Variants in DAPK1 observed in about 807,000 individuals in gnomAD.
DAPK1 encodes the protein death associated protein kinase 1.
Under a neutral mutation model 144.9 loss-of-function variants are expected in DAPK1, and 56 were observed. The observed-to-expected ratio is 0.39, with a 90% CI of 0.31 to 0.48. The LOEUF (loss-of-function observed/expected upper bound fraction) is 0.48. Ranked by LOEUF, DAPK1 falls within the 20% of genes least tolerant of loss-of-function variation. The probability of loss-of-function intolerance (pLI) is 0.95; values close to 1 mark genes in which losing one functional copy is unlikely to be tolerated. For synonymous variants in DAPK1, 690 were observed against 749.0 expected (o/e 0.92, Z 1.29); for missense variants, 1,454 against 1,875.4 (o/e 0.78, Z 4.15).
At chr9:87,564,910 G>A (rs1017350520) in intron 2 of DAPK1, among the ~76,000 whole-genome samples, 2 of 152,150 alleles carry the variant, frequency 1.3e-5, no homozygotes, top group African/African-American at 4.8e-5. Context: ...TGTGGTAGAA[G>A]CAATAAAGAC....
At chr9:87,701,871 G>T (rs1455050222) in intron 24 of DAPK1, 1 of 470,362 alleles carries the variant, frequency 2.1e-6, no homozygotes, top group Non-Finnish European at 4.4e-6. Context: ...TCCTCGTTGG[G>T]GTCCCACTGT....
At chr9:87,632,561 A>G in intron 3 of DAPK1, 2 of 973,590 alleles carry the variant, frequency 2.1e-6, no homozygotes, top group South Asian at 9.5e-5. Context: ...GGGATGAAGG[A>G]GGATGAGTAT....
At chr9:87,634,902 G>T (rs903970271) in intron 3 of DAPK1, among the ~76,000 whole-genome samples, 4 of 152,144 alleles carry the variant, frequency 2.6e-5, no homozygotes, top group African/African-American at 9.7e-5. Context: ...GCCATGGGAG[G>T]ACTTCTGGTT....
At chr9:87,549,442 G>T (rs1826390997) in intron 2 of DAPK1, among the ~76,000 whole-genome samples, 1 of 152,100 alleles carries the variant, frequency 6.6e-6, no homozygotes, top group South Asian at 2.1e-4. Context: ...TTGTATGGGG[G>T]GGTTATATAG....
intron 2 of DAPK1, among the ~76,000 whole-genome samples, chr9:87,602,696 C>T (rs1373270961): frequency 6.6e-6 from 1 of 151,950 alleles, no homozygotes; most frequent in African/African-American, 2.4e-5. Context: ...TGCAGTGGCA[C>T]AATCTCGGCT....
At chr9:87,681,831 T>C in intron 20 of DAPK1, 1 of 594,536 alleles carries the variant, frequency 1.7e-6, no homozygotes, top group Admixed American at 2.9e-5. Context: ...GACTTGGCAG[T>C]AGCAAAACAA....
intron 2 of DAPK1, among the ~76,000 whole-genome samples, chr9:87,568,692 A>G (rs746915627): frequency 6.6e-5 from 10 of 152,190 alleles, no homozygotes; most frequent in Non-Finnish European, 1.3e-4. Flanking sequence ...AGGCTGTCAC[A>G]TGTACCTTGT....
Position 87,498,950 on chromosome 9 carries a change from CT to C in DAPK1, c.-108-10del, listed in dbSNP as rs199604135. 3.8e-3 allele frequency: 2,394 copies of C among 627,810 alleles called. 4 individuals are homozygous for C. Among genetic ancestry groups the C allele is most frequent in the African/African-American group, 0.012 (626 of 53,424 alleles). 38.9% of individuals were successfully genotyped at this position (627,810 alleles called of 1,614,324 possible). A position where few individuals can be genotyped will look rare whatever the true frequency, so the allele number is the denominator to read the frequency against. ...GTTGCCATTTTACTATTATTATTGCCTTTTTTTTTTCTTCAAAAGGACTGGA... is the reference window on the plus strand; with the variant it reads ...GTTGCCATTTTACTATTATTATTGCCTTTTTTTTTCTTCAAAAGGACTGGA... On this transcript the variant is annotated intron_variant, in intron 1 of 25. Coordinates refer to ENST00000408954, the MANE Select transcript of DAPK1 (RefSeq NM_004938.4).
chr9:87,672,095 G>C (rs553048065), intron 19 of DAPK1, among the ~76,000 whole-genome samples: 2 of 152,302 alleles, frequency 1.3e-5, no homozygotes, highest in East Asian at 3.9e-4. Context: ...TGGATGGGTC[G>C]ATGTAGATGA....
intron 2 of DAPK1, among the ~76,000 whole-genome samples, chr9:87,502,040 G>T (rs1170757648): frequency 6.6e-6 from 1 of 152,092 alleles, no homozygotes; most frequent in African/African-American, 2.4e-5. Flanking sequence ...AACAAATATA[G>T]ATATTATCTG....
intron 3 of DAPK1, among the ~76,000 whole-genome samples, chr9:87,617,789 C>T (rs531363176): frequency 6.6e-6 from 1 of 152,266 alleles, no homozygotes; most frequent in Admixed American, 6.5e-5. Flanking sequence ...CCCCAGGTAC[C>T]TCAACTTCAC....
At chr9:87,670,693 G>A (rs781537088) in intron 19 of DAPK1, among the ~76,000 whole-genome samples, 12 of 152,062 alleles carry the variant, frequency 7.9e-5, no homozygotes, top group Non-Finnish European at 1.8e-4. Context: ...CACCACTACC[G>A]CCCTCTGGAA....
At chr9:87,541,584 A>T (rs1033575661) in intron 2 of DAPK1, among the ~76,000 whole-genome samples, 3 of 151,860 alleles carry the variant, frequency 2.0e-5, no homozygotes, top group Non-Finnish European at 2.9e-5. Flanking sequence ...GAAAGACTTT[A>T]TAGGCTGTTG....
chr9:87,644,519 G>A (rs1830204022), intron 11 of DAPK1, among the ~76,000 whole-genome samples: 1 of 152,050 alleles, frequency 6.6e-6, no homozygotes, highest in South Asian at 2.1e-4. Flanking sequence ...GCCTTGTGGA[G>A]TGAAATGGGA....
At chr9:87,624,125 T>C (rs1829406411) in intron 3 of DAPK1, among the ~76,000 whole-genome samples, 1 of 152,186 alleles carries the variant, frequency 6.6e-6, no homozygotes, top group Non-Finnish European at 1.5e-5. Context: ...AGGACAAGGC[T>C]CAGCAGGGAC....
chr9:87,546,516 T>TG (rs1563985747), intron 2 of DAPK1, among the ~76,000 whole-genome samples: 1 of 152,078 alleles, frequency 6.6e-6, no homozygotes. Flanking sequence ...ATAGGAAAGA[T>TG]GGGCAGGTGA....
chr9:87,643,466 C>T lies in DAPK1; in HGVS notation c.1009C>T (p.Leu337=). The T allele has an allele frequency of 6.3e-7, 1 of 1,597,870 alleles. No homozygotes were observed. The highest frequency in any genetic ancestry group is 8.6e-7 in the Non-Finnish European group (1 of 1,169,570). ...GAGTGTTGCCAGAAGCGATGATACT[C>T]TGGTAAGCAAACCCGTGAGCCCTGG... ...NMSVARSDDT[L]DEEDSFVMKA... Residue 337 remains leucine, a splice_region_variant and synonymous_variant, in exon 11 of 26, where the codon CTG becomes TTG. Transcript: ENST00000408954.
chr9:87,652,410 G>C (rs1830481150), intron 17 of DAPK1, among the ~76,000 whole-genome samples: 1 of 75,118 alleles, frequency 1.3e-5, no homozygotes. Flanking sequence ...CCTGATCCCG[G>C]GTCCTGATTC....
chr9:87,540,563 G>A (rs1177729287), intron 2 of DAPK1, among the ~76,000 whole-genome samples: 4 of 152,146 alleles, frequency 2.6e-5, no homozygotes, highest in Non-Finnish European at 5.9e-5. Flanking sequence ...AGGAAGAAAC[G>A]TAGTAGATAC....
Sources: allele counts gnomAD v4.1 joint callset (sites outside exome capture counted in the v4.1 genomes callset), GRCh38; gene constraint gnomAD v4.1.1; transcripts MANE v1.5; gene names NCBI Gene and HGNC (gene_info 2026-07-23, HGNC 2026-07-21).